Variants in MAST4 observed in about 807,000 individuals in gnomAD.
MAST4 encodes the protein microtubule associated serine/threonine kinase family member 4, also known as microtubule-associated serine/threonine-protein kinase 4.
MAST4 carries 89 observed loss-of-function variants against 162.7 expected under a neutral mutation model. The observed-to-expected ratio is 0.55, with a 90% confidence interval of 0.46 to 0.65. MAST4 has a LOEUF of 0.65. Among genes scored for constraint, MAST4 ranks in the 30% least tolerant of loss-of-function variants. The probability of loss-of-function intolerance (pLI) is 0.00; values close to 1 mark genes in which losing one functional copy is unlikely to be tolerated. For missense variants in MAST4, 3,153 were observed against 3,374.0 expected (o/e 0.93, Z 1.62); for synonymous variants, 1,479 against 1,361.1 (o/e 1.09, Z -1.91).
chr5:66,705,234 T>G (rs966921742), intron 1 of MAST4, among the ~76,000 whole-genome samples: 2 of 152,232 alleles, frequency 1.3e-5, no homozygotes, highest in African/African-American at 4.8e-5. Context: ...CTAAACTTAC[T>G]GTGGTGCTGT....
chr5:66,774,843 T>C (rs921642903), intron 2 of MAST4, among the ~76,000 whole-genome samples: 3 of 152,242 alleles, frequency 2.0e-5, no homozygotes, highest in African/African-American at 7.2e-5. Flanking sequence ...ATCCTGTATT[T>C]TTATTTGCTA....
chr5:66,770,532 T>C (rs1300381663), intron 2 of MAST4, among the ~76,000 whole-genome samples: 1 of 152,156 alleles, frequency 6.6e-6, no homozygotes, highest in Non-Finnish European at 1.5e-5. Context: ...ACTTAGAAAC[T>C]GCCAAGTGGC....
chr5:66,784,340 AC>A (rs35950229), intron 2 of MAST4, among the ~76,000 whole-genome samples: 1 of 152,094 alleles, frequency 6.6e-6, no homozygotes, highest in African/African-American at 2.4e-5. Context: ...ATTCTATACA[AC>A]CCCATATACC....
chr5:66,645,428 C>T (rs1004462574), intron 1 of MAST4, among the ~76,000 whole-genome samples: 19 of 152,130 alleles, frequency 1.2e-4, no homozygotes, highest in Non-Finnish European at 2.4e-4. Flanking sequence ...AGTGCAAAGA[C>T]GATGCCTAGG....
intron 4 of MAST4, among the ~76,000 whole-genome samples, chr5:66,951,598 A>ATGTG (rs59043309): frequency 0.011 from 1,376 of 122,386 alleles, 12 homozygotes; most frequent in East Asian, 0.022. Flanking sequence ...CTCCCATGAT[A>ATGTG]TGTGTGTGTG....
chr5:67,098,107 C>T (rs972297080), intron 7 of MAST4, among the ~76,000 whole-genome samples: 7 of 152,124 alleles, frequency 4.6e-5, no homozygotes, highest in Admixed American at 6.5e-5. Context: ...AGAATATATA[C>T]GAATAAAATT....
chr5:66,958,399 C>A (rs185720683), intron 4 of MAST4, among the ~76,000 whole-genome samples: 65 of 152,290 alleles, frequency 4.3e-4, no homozygotes, highest in Non-Finnish European at 7.8e-4. Context: ...TTAATAAATA[C>A]AAGATGAAAC....
intron 3 of MAST4, among the ~76,000 whole-genome samples, chr5:66,809,768 G>C (rs1225763598): frequency 1.3e-5 from 2 of 152,034 alleles, no homozygotes; most frequent in Non-Finnish European, 2.9e-5. Flanking sequence ...ACAGAGTCTT[G>C]CTCTGTCGCC....
chr5:66,782,001 C>T (rs898861602), intron 2 of MAST4, among the ~76,000 whole-genome samples: 1 of 152,060 alleles, frequency 6.6e-6, no homozygotes, highest in Non-Finnish European at 1.5e-5. Flanking sequence ...AAGCATGTAT[C>T]GTGGCTGGGC....
intron 3 of MAST4, among the ~76,000 whole-genome samples, chr5:66,865,052 A>G (rs1385596076): frequency 1.3e-5 from 2 of 152,232 alleles, no homozygotes; most frequent in East Asian, 1.9e-4. Flanking sequence ...AACTGAGATC[A>G]AGGGTGAGAC....
chr5:66,721,782 C>T (rs914636652), intron 1 of MAST4, among the ~76,000 whole-genome samples: 4 of 151,544 alleles, frequency 2.6e-5, no homozygotes, highest in Non-Finnish European at 5.9e-5. Context: ...AACTTCTTGT[C>T]TACCCACCAG....
intron 13 of MAST4, among the ~76,000 whole-genome samples, chr5:67,120,781 G>C (rs1047929837): frequency 6.6e-5 from 10 of 152,148 alleles, no homozygotes; most frequent in Admixed American, 2.6e-4. Context: ...TTAATATCAG[G>C]AATTGTCCTT....
At chr5:67,090,964 G>A (rs971914715) in intron 6 of MAST4, among the ~76,000 whole-genome samples, 1 of 151,820 alleles carries the variant, frequency 6.6e-6, no homozygotes, top group Non-Finnish European at 1.5e-5. Flanking sequence ...CTCTGCCCAG[G>A]AAAAACACCG....
intron 22 of MAST4, 44 bp downstream of exon 22, chr5:67,144,840 A>G: frequency 6.4e-7 from 1 of 1,551,876 alleles, no homozygotes; most frequent in Non-Finnish European, 8.7e-7. Flanking sequence ...TAGCTACTAG[A>G]GCAGAGTTTC....
intron 2 of MAST4, among the ~76,000 whole-genome samples, chr5:66,765,889 G>A (rs1754073491): frequency 6.6e-6 from 1 of 152,124 alleles, no homozygotes; most frequent in East Asian, 1.9e-4. Flanking sequence ...CAATAGACCT[G>A]GAGCTCACTA....
intron 22 of MAST4, 55 bp from the exon 23 acceptor site, chr5:67,145,089 C>T: frequency 7.0e-7 from 1 of 1,438,270 alleles, no homozygotes; most frequent in Non-Finnish European, 9.6e-7. Context: ...CAAAATTCAC[C>T]TTTAACACAG....
At chr5:66,973,240 T>G (rs1167375897) in intron 4 of MAST4, among the ~76,000 whole-genome samples, 1 of 152,162 alleles carries the variant, frequency 6.6e-6, no homozygotes, top group African/African-American at 2.4e-5. Context: ...CATCATTATA[T>G]GGGCTATGTC....
chr5:66,926,015 C>T (rs1764866428), intron 4 of MAST4, among the ~76,000 whole-genome samples: 1 of 151,754 alleles, frequency 6.6e-6, no homozygotes, highest in Non-Finnish European at 1.5e-5. Flanking sequence ...TAATGTTTGA[C>T]CAGTCTTCTA....
At chr5:67,088,010 A>AT (rs11445112) in intron 5 of MAST4, among the ~76,000 whole-genome samples, 2,942 of 152,082 alleles carry the variant, frequency 0.019, 104 homozygotes, top group African/African-American at 0.068. Flanking sequence ...TATTTTTATT[A>AT]TTTTTTTATT....
Sources: gnomAD v4.1 joint callset for allele counts (sites outside exome capture counted in the v4.1 genomes callset) on GRCh38, gnomAD v4.1.1 for gene constraint, MANE v1.5 for transcripts, NCBI Gene and HGNC (gene_info 2026-07-23, HGNC 2026-07-21) for gene names.